Variants in MTREX observed in about 807,000 individuals in gnomAD.
The protein encoded by MTREX is Mtr4 exosome RNA helicase.
In MTREX, 76 loss-of-function variants were observed where a neutral mutation model predicts 135.4. That is an observed-to-expected ratio of 0.56 (90% CI 0.47 to 0.68). The LOEUF (loss-of-function observed/expected upper bound fraction) is 0.68. Ranked by LOEUF, MTREX falls within the 30% of genes least tolerant of loss-of-function variation. The pLI, the probability that MTREX is intolerant of heterozygous loss-of-function variation, is 0.00. For missense variants in MTREX, 920 were observed against 1,262.1 expected, an observed-to-expected ratio of 0.73 and a Z score of 4.11; for synonymous variants, 404 against 401.6, an observed-to-expected ratio of 1.01 and a Z score of -0.07.
chr5:55,378,882 T>A (rs1404399493), intron 17 of MTREX, among the ~76,000 whole-genome samples: 1 of 152,206 alleles, frequency 6.6e-6, no homozygotes, highest in Non-Finnish European at 1.5e-5. Context: ...ATTTTCAGCA[T>A]TCATTTGCCA....
intron 14 of MTREX, among the ~76,000 whole-genome samples, chr5:55,354,417 T>C (rs1749877528): frequency 6.6e-6 from 1 of 152,206 alleles, no homozygotes; most frequent in South Asian, 2.1e-4. Context: ...ATAGCCTGGC[T>C]TTGGGGAAAA....
intron 19 of MTREX, among the ~76,000 whole-genome samples, chr5:55,394,629 C>A (rs571574564): frequency 6.6e-6 from 1 of 152,172 alleles, no homozygotes; most frequent in Non-Finnish European, 1.5e-5. Flanking sequence ...CAGTAATGCT[C>A]TCTCCCCCAC....
At chr5:55,345,222 A>ACTTTTTTT in intron 10 of MTREX, 26 bp downstream of exon 10, 1 of 1,403,740 alleles carries the variant, frequency 7.1e-7, no homozygotes. Context: ...GCTTTGAGAG[A>ACTTTTTTT]ATTTTACATG....
Position 55,331,766 on chromosome 5 carries a change from G to C in MTREX, c.515+2955G>C, listed in dbSNP as rs79884619. The stretch of plus-strand genomic sequence containing the variant: ...TAGGGAAACTTCCAGGGTTTACCTT[G>C]GTTGCCCATCTTAGAACTGCAGTTT... On this transcript the variant is annotated intron_variant, in intron 5 of 26. Transcript: ENST00000230640. Among the ~76,000 whole-genome samples the C allele has an allele frequency of 4.0e-3, 610 of 152,250 alleles. 4 individuals are homozygous for C. The highest frequency in any genetic ancestry group is 0.014 in the African/African-American group (582 of 41,556).
At chr5:55,337,928 T>C (rs1247279973) in intron 5 of MTREX, among the ~76,000 whole-genome samples, 5 of 152,104 alleles carry the variant, frequency 3.3e-5, no homozygotes, top group Non-Finnish European at 7.4e-5. Context: ...GGGCTTACAG[T>C]ATGCATGTTT....
intron 23 of MTREX, among the ~76,000 whole-genome samples, 155 bp from the exon 24 acceptor site, chr5:55,414,027 A>T (rs1388868872): frequency 6.6e-6 from 1 of 152,222 alleles, no homozygotes; most frequent in East Asian, 1.9e-4. Flanking sequence ...GCCTGTGTAA[A>T]CTGAATTGAT....
chr5:55,374,708 A>G (rs1017619701), intron 16 of MTREX, among the ~76,000 whole-genome samples: 1 of 152,162 alleles, frequency 6.6e-6, no homozygotes, highest in African/African-American at 2.4e-5. Flanking sequence ...AAAAGAGATA[A>G]TTCCTAAACA....
At chr5:55,349,202 T>C (rs1055086708) in intron 11 of MTREX, among the ~76,000 whole-genome samples, 3 of 151,406 alleles carry the variant, frequency 2.0e-5, no homozygotes, top group African/African-American at 7.3e-5. Flanking sequence ...TTTTTTTTTT[T>C]CTGAGATGGG....
intron 13 of MTREX, among the ~76,000 whole-genome samples, chr5:55,351,867 A>C (rs954402497): frequency 2.3e-4 from 34 of 150,922 alleles, no homozygotes; most frequent in Admixed American, 5.3e-4. Flanking sequence ...TTGAGGCAGA[A>C]TCTTGCTCTG....
rs1243637015 is a variant in MTREX at position 55,408,947 on chromosome 5, T to G, written c.2646-1577T>G. Among the ~76,000 whole-genome samples the G allele has an allele frequency of 2.7e-5, 4 of 150,122 alleles. 1 individual carries two copies. The highest frequency in any genetic ancestry group is 4.4e-5 in the Non-Finnish European group (3 of 67,602). On this transcript the variant is annotated intron_variant, in intron 22 of 26. Transcript: ENST00000230640. ...TTTATTTATTTATTTATTTATTTAT[T>G]TATTTATTTATTTATTTATTTTGAG...
chr5:55,423,250 C>G (rs903510178), intron 26 of MTREX: 1 of 378,508 alleles, frequency 2.6e-6, no homozygotes, highest in Non-Finnish European at 4.7e-6. Context: ...CAAAAAGACA[C>G]CCCTGCCTTC....
At chr5:55,320,257 G>A (rs200430176) in intron 1 of MTREX, among the ~76,000 whole-genome samples, 1 of 143,524 alleles carries the variant, frequency 7.0e-6, no homozygotes, top group African/African-American at 2.6e-5. Context: ...TTGCTCTGTC[G>A]CCCAGGCTGG....
At chr5:55,345,278 T>C in intron 10 of MTREX, 82 bp downstream of exon 10, 1 of 911,992 alleles carries the variant, frequency 1.1e-6, no homozygotes, top group Non-Finnish European at 1.7e-6. Flanking sequence ...TCTTAGTTTT[T>C]TTTTCTCAAG....
chr5:55,321,214 A>G (rs1371903338), intron 1 of MTREX, among the ~76,000 whole-genome samples: 2 of 152,188 alleles, frequency 1.3e-5, no homozygotes, highest in Non-Finnish European at 2.9e-5. Context: ...AGTTTCTTAT[A>G]ACTTTTAAGA....
chr5:55,348,649 C>T (rs896172157), intron 11 of MTREX, among the ~76,000 whole-genome samples: 1 of 152,138 alleles, frequency 6.6e-6, no homozygotes, highest in African/African-American at 2.4e-5. Flanking sequence ...TAACAAATGA[C>T]AGATAGCTGA....
intron 5 of MTREX, 108 bp from the exon 6 acceptor site, chr5:55,339,902 C>A: frequency 1.5e-6 from 1 of 685,528 alleles, no homozygotes; most frequent in Non-Finnish European, 2.2e-6. Flanking sequence ...AGAGTCCATT[C>A]AAGATAAATA....
In MTREX at chr5:55,424,781, A is replaced by G; in HGVS notation, c.*9A>G. 1 of 1,601,580 alleles carries G rather than the reference A, an allele frequency of 6.2e-7. No homozygotes were observed. The highest frequency in any genetic ancestry group is 8.6e-7 in the Non-Finnish European group (1 of 1,168,744). Reference sequence around the variant, plus strand: ...CCAGCCTCTACTTGTAGAGTCAGCTAAAGGAATGTGAGATTTTAAATTATT... The same window carrying G: ...CCAGCCTCTACTTGTAGAGTCAGCTGAAGGAATGTGAGATTTTAAATTATT... On this transcript the variant is annotated 3_prime_UTR_variant, in exon 27 of 27. Transcript: ENST00000230640.
intron 22 of MTREX, among the ~76,000 whole-genome samples, chr5:55,410,121 C>G (rs1456993625): frequency 6.6e-6 from 1 of 152,082 alleles, no homozygotes; most frequent in Admixed American, 6.5e-5. Flanking sequence ...TGAGTACATT[C>G]TAATTAAGAT....
chr5:55,343,214 T>C, intron 7 of MTREX, 117 bp from the exon 8 acceptor site: 1 of 910,112 alleles, frequency 1.1e-6, no homozygotes, highest in Non-Finnish European at 1.6e-6. Context: ...CTTAAAATAT[T>C]CTTGAGTAAA....
Sources: gnomAD v4.1 joint callset for allele counts (sites outside exome capture counted in the v4.1 genomes callset) on GRCh38, gnomAD v4.1.1 for gene constraint, MANE v1.5 for transcripts, NCBI Gene and HGNC (gene_info 2026-07-23, HGNC 2026-07-21) for gene names.